EYS: variants seen among roughly 807,000 people sequenced by gnomAD.
The protein encoded by EYS is EGF-like photoreceptor maintenance factor.
A neutral mutation model predicts 282.1 loss-of-function variants in EYS; 250 were observed. The ratio of observed to expected loss-of-function variants is 0.89; its 90% CI spans 0.80 to 0.98. The LOEUF is 0.98. EYS is among the 50% of genes least tolerant of loss of function. EYS has a pLI of 0.00. For missense variants in EYS, 4,016 were observed against 3,709.0 expected (o/e 1.08, Z -2.15); for synonymous variants, 1,355 against 1,282.9 (o/e 1.06, Z -1.20).
At chr6:65,531,626 T>C (rs1383404305) in intron 2 of EYS, among the ~76,000 whole-genome samples, 1 of 152,150 alleles carries the variant, frequency 6.6e-6, no homozygotes, top group Non-Finnish European at 1.5e-5. Flanking sequence ...GCAGCATAAA[T>C]ATTAAAGTCA....
chr6:65,602,300 A>G (rs1428355205), intron 2 of EYS, among the ~76,000 whole-genome samples: 4 of 151,976 alleles, frequency 2.6e-5, no homozygotes, highest in Non-Finnish European at 5.9e-5. Flanking sequence ...TTATTGGGTT[A>G]TAATAGAAAC....
At chr6:65,628,846 G>T (rs559514841) in intron 2 of EYS, among the ~76,000 whole-genome samples, 1 of 152,348 alleles carries the variant, frequency 6.6e-6, no homozygotes, top group South Asian at 2.1e-4. Flanking sequence ...GTGAGACCAA[G>T]AACCCACCAA....
rs558670560 is a variant in EYS, at chr6:65,256,180, G to T, written c.2023+39683C>A. 2.6e-5 allele frequency among the ~76,000 whole-genome samples: 4 copies of T among 151,734 alleles called. No homozygotes were observed. The South Asian group carries it at 8.3e-4, about 32-fold the overall frequency. ...ACTATTCAGTCATAAAAAAGAATGC[G>T]GTCCTATCATTGGCAACAACATGAA... On this transcript the variant is annotated intron_variant, in intron 12 of 42. Coordinates refer to ENST00000503581, the MANE Select transcript of EYS (RefSeq NM_001142800.2).
chr6:64,997,798 T>C lies in EYS; in HGVS notation c.2138-95A>G, dbSNP rs1771321512. 24 of 1,139,934 alleles carry C rather than the reference T, an allele frequency of 2.1e-5. No individual in the cohort carries two copies. In the East Asian group the frequency reaches 5.6e-4, roughly 27 times the overall value. 70.6% of individuals were successfully genotyped at this position (1,139,934 alleles called of 1,614,324 possible). On this transcript the variant is annotated intron_variant, in intron 13 of 42. Coordinates refer to ENST00000503581, the MANE Select transcript of EYS (RefSeq NM_001142800.2). ...TAAAATTCTATAATCATTTATGTAG[T>C]TCACTTTTAACCAAATAAAGTAAGA...
chr6:64,155,277 T>C (rs956727981), intron 31 of EYS, among the ~76,000 whole-genome samples: 1 of 152,126 alleles, frequency 6.6e-6, no homozygotes, highest in African/African-American at 2.4e-5. Context: ...ACATAATTTA[T>C]CATCAGCATC....
intron 19 of EYS, among the ~76,000 whole-genome samples, chr6:64,832,387 C>G (rs1227150215): frequency 1.3e-5 from 2 of 151,556 alleles, no homozygotes; most frequent in Non-Finnish European, 2.9e-5. Context: ...TATGAGGTAT[C>G]TAGTCACCAA....
rs575509419 is a variant in EYS at position 64,876,037 on chromosome 6, A to G, written c.2992+10660T>C. The stretch of plus-strand genomic sequence containing the variant: ...AATTTGCTATTGGTTTCAATTTAGA[A>G]AGATTTATTATGAGTTAGTGAATAA... On this transcript the variant is annotated intron_variant, in intron 19 of 42. Transcript: ENST00000503581. Among the ~76,000 whole-genome samples the G allele has an allele frequency of 8.5e-5, 13 of 152,060 alleles. No homozygotes were observed. In the South Asian group the frequency reaches 2.5e-3, roughly 29 times the overall value.
chr6:64,520,148 A>G (rs1777685510), intron 26 of EYS, among the ~76,000 whole-genome samples: 1 of 151,658 alleles, frequency 6.6e-6, no homozygotes, highest in Non-Finnish European at 1.5e-5. Flanking sequence ...CCTATCAAAG[A>G]GTTTCTGTAA....
chr6:65,250,901 C>A lies in EYS; in HGVS notation c.2023+44962G>T, dbSNP rs541067624. Among the ~76,000 whole-genome samples, 130 of 151,350 alleles carry A rather than the reference C, an allele frequency of 8.6e-4. 1 individual carries two copies. Among genetic ancestry groups the A allele is most frequent in the Admixed American group, 2.0e-3 (31 of 15,142 alleles). On this transcript the variant is annotated intron_variant, in intron 12 of 42. Transcript: ENST00000503581. Reference sequence around the variant, plus strand: ...TTCTACAATAATGCTAGTCCTCATACCTTAATGTAAAATTTAGTGCAATTC... The same window carrying A: ...TTCTACAATAATGCTAGTCCTCATAACTTAATGTAAAATTTAGTGCAATTC...
chr6:65,443,994 A>C (rs550168820), intron 5 of EYS, among the ~76,000 whole-genome samples: 1 of 151,960 alleles, frequency 6.6e-6, no homozygotes, highest in South Asian at 2.1e-4. Context: ...GTAATAATAG[A>C]CTTTAATAAT....
chr6:65,380,207 A>C (rs1415239770), intron 8 of EYS, among the ~76,000 whole-genome samples: 1 of 151,978 alleles, frequency 6.6e-6, no homozygotes, highest in Non-Finnish European at 1.5e-5. Context: ...CATGCTACCT[A>C]ACTTCAAACT....
chr6:64,698,596 T>C (rs1449650954), intron 22 of EYS, among the ~76,000 whole-genome samples: 1 of 151,968 alleles, frequency 6.6e-6, no homozygotes, highest in Non-Finnish European at 1.5e-5. Flanking sequence ...CTGACAAAGG[T>C]CTAATATGGA....
chr6:65,225,305 A>G (rs908034058), intron 12 of EYS, among the ~76,000 whole-genome samples: 1 of 149,824 alleles, frequency 6.7e-6, no homozygotes, highest in African/African-American at 2.4e-5. Flanking sequence ...TATAATATAT[A>G]ATTATAATTA....
intron 12 of EYS, among the ~76,000 whole-genome samples, chr6:65,288,982 T>C (rs1768447254): frequency 6.6e-6 from 1 of 150,652 alleles, no homozygotes; most frequent in Admixed American, 6.6e-5. Flanking sequence ...AAATAATCAA[T>C]TGAAAAGAAT....
intron 26 of EYS, among the ~76,000 whole-genome samples, chr6:64,504,693 A>C (rs186706062): frequency 6.6e-6 from 1 of 152,338 alleles, no homozygotes; most frequent in East Asian, 1.9e-4. Context: ...TGTATGTAGA[A>C]GAACAGGAAA....
At chr6:65,334,864 A>C in intron 11 of EYS, 116 bp downstream of exon 11, 3 of 913,172 alleles carry the variant, frequency 3.3e-6, no homozygotes, top group Non-Finnish European at 5.2e-6. Context: ...TTGTTATGGA[A>C]ATTCCAATCA....
chr6:65,454,565 A>T (rs947741189), intron 5 of EYS, among the ~76,000 whole-genome samples: 8 of 123,778 alleles, frequency 6.5e-5, no homozygotes, highest in Non-Finnish European at 9.4e-5. Flanking sequence ...GGTTTTATTT[A>T]AAAAAAAAAA....
chr6:64,511,005 C>G (rs1156228845), intron 26 of EYS, among the ~76,000 whole-genome samples: 1 of 151,932 alleles, frequency 6.6e-6, no homozygotes, highest in Non-Finnish European at 1.5e-5. Flanking sequence ...GTCCTTCTCT[C>G]CTCCTATGCC....
intron 22 of EYS, among the ~76,000 whole-genome samples, chr6:64,645,662 T>C (rs1768323202): frequency 6.6e-6 from 1 of 151,954 alleles, no homozygotes; most frequent in African/African-American, 2.4e-5. Flanking sequence ...ACCAAAATCG[T>C]AGGTCTTTTT....
Sources: gnomAD v4.1 joint callset for allele counts (sites outside exome capture counted in the v4.1 genomes callset) on GRCh38, gnomAD v4.1.1 for gene constraint, MANE v1.5 for transcripts, NCBI Gene and HGNC (gene_info 2026-07-23, HGNC 2026-07-21) for gene names.